The following CREB5 variants were observed in gnomAD, a reference collection of about 807,000 sequenced individuals.
CREB5 encodes cAMP responsive element binding protein 5.
CREB5 carries 19 observed loss-of-function variants against 57.1 expected under a neutral mutation model. That is an observed-to-expected ratio of 0.33 (90% CI 0.23 to 0.49). The LOEUF is 0.49. CREB5 is among the 20% of genes least tolerant of loss of function. CREB5 has a pLI of 0.99. For missense variants in CREB5, 579 were observed against 671.6 expected (o/e 0.86, Z 1.52); for synonymous variants, 238 against 238.3 (o/e 1.00, Z 0.01).
chr7:28,359,721 G>A (rs1047047560), intron 1 of CREB5, among the ~76,000 whole-genome samples: 3 of 152,016 alleles, frequency 2.0e-5, no homozygotes, highest in African/African-American at 7.2e-5. Context: ...TAGATAAATA[G>A]GATTACATCA....
chr7:28,497,396 G>C (rs560554349), intron 3 of CREB5, among the ~76,000 whole-genome samples: 4 of 152,210 alleles, frequency 2.6e-5, no homozygotes, highest in Non-Finnish European at 5.9e-5. Context: ...GGCAGTGCCA[G>C]GTGGAATATT....
At chr7:28,686,949 A>G (rs1800963165) in intron 5 of CREB5, among the ~76,000 whole-genome samples, 1 of 151,890 alleles carries the variant, frequency 6.6e-6, no homozygotes, top group Non-Finnish European at 1.5e-5. Context: ...TCTTTTCATA[A>G]AAGGTGGAAG....
At chr7:28,610,894 T>C (rs541149153) in intron 5 of CREB5, among the ~76,000 whole-genome samples, 222 of 152,154 alleles carry the variant, frequency 1.5e-3, no homozygotes, top group Middle Eastern at 6.8e-3. Flanking sequence ...TGTGCGTGTG[T>C]GTGTGTGTGT....
intron 5 of CREB5, among the ~76,000 whole-genome samples, chr7:28,644,989 C>T (rs916731738): frequency 6.6e-6 from 1 of 152,080 alleles, no homozygotes; most frequent in African/African-American, 2.4e-5. Context: ...ACAACGCGTA[C>T]CTTGGCCAAC....
intron 5 of CREB5, among the ~76,000 whole-genome samples, chr7:28,692,798 A>C (rs2391682): frequency 1 from 152,070 of 152,312 alleles, 75,916 homozygotes; most frequent in Middle Eastern, 1. Context: ...TGGGTGCTTT[A>C]AGAGGCATGC....
chr7:28,718,783 A>G lies in CREB5; in HGVS notation c.495A>G (p.Leu165=). ...GPVPGSLSSL[L]HLHNRQRQPM... Reference sequence around the variant, plus strand: ...TCCCAGGCTCTCTATCTTCTCTGCTACATCTCCACAACAGACAGAGACAGC... The same window carrying G: ...TCCCAGGCTCTCTATCTTCTCTGCTGCATCTCCACAACAGACAGAGACAGC... The change falls in exon 6 of 11, where the codon CTA becomes CTG. Residue 165 remains leucine (L), a synonymous_variant. Coordinates refer to ENST00000357727, the MANE Select transcript of CREB5 (RefSeq NM_182898.4). The G allele has an allele frequency of 1.9e-6, 3 of 1,613,986 alleles. No individual in the cohort carries two copies. Among genetic ancestry groups the G allele is most frequent in the Non-Finnish European group, 2.5e-6 (3 of 1,179,950 alleles).
At chr7:28,361,548 T>C (rs1010233975) in intron 1 of CREB5, among the ~76,000 whole-genome samples, 1 of 152,218 alleles carries the variant, frequency 6.6e-6, no homozygotes, top group African/African-American at 2.4e-5. Context: ...TGTTGACTCT[T>C]GAGTGGAAGA....
intron 1 of CREB5, among the ~76,000 whole-genome samples, chr7:28,329,030 A>C (rs1785664444): frequency 6.6e-6 from 1 of 152,040 alleles, no homozygotes; most frequent in Non-Finnish European, 1.5e-5. Flanking sequence ...GTCAAGTAAC[A>C]CAGGTGTCTG....
intron 1 of CREB5, among the ~76,000 whole-genome samples, chr7:28,334,442 C>A (rs1250820501): frequency 1.3e-5 from 2 of 152,166 alleles, no homozygotes; most frequent in Non-Finnish European, 2.9e-5. Context: ...CAGGGGTGAG[C>A]CACCATGCCC....
chr7:28,812,552 G>A lies in CREB5; in HGVS notation c.1254+3138G>A, dbSNP rs546692763. Among the ~76,000 whole-genome samples, 64 of 152,266 alleles carry A rather than the reference G, an allele frequency of 4.2e-4. No homozygotes were observed. The South Asian group carries it at 6.4e-3, about 15-fold the overall frequency. Reference sequence around the variant, plus strand: ...AAGATCCTACTGAGTTCATGTAACAGGCACCAATATCTTTTGGTAGTTAAA... The same window carrying A: ...AAGATCCTACTGAGTTCATGTAACAAGCACCAATATCTTTTGGTAGTTAAA... On this transcript the variant is annotated intron_variant, in intron 9 of 10. Transcript: ENST00000357727.
intron 1 of CREB5, among the ~76,000 whole-genome samples, chr7:28,370,829 T>C (rs1411636427): frequency 1.3e-5 from 2 of 152,278 alleles, no homozygotes; most frequent in Non-Finnish European, 2.9e-5. Context: ...GATTGCACTT[T>C]GGCACTTCAA....
chr7:28,318,049 A>G (rs1239989465), intron 1 of CREB5, among the ~76,000 whole-genome samples: 2 of 152,224 alleles, frequency 1.3e-5, no homozygotes, highest in Admixed American at 6.5e-5. Context: ...AATTTCCAAT[A>G]AATTCTTATA....
chr7:28,619,269 G>T (rs532896134), intron 5 of CREB5, among the ~76,000 whole-genome samples: 9 of 152,282 alleles, frequency 5.9e-5, no homozygotes, highest in Admixed American at 5.2e-4. Context: ...TGGCTCCAAG[G>T]TTACACTAGA....
At chr7:28,747,869 C>T (rs954706428) in intron 7 of CREB5, among the ~76,000 whole-genome samples, 1 of 152,192 alleles carries the variant, frequency 6.6e-6, no homozygotes, top group Non-Finnish European at 1.5e-5. Context: ...CGCCCCTCCC[C>T]TGAAGAAACA....
intron 1 of CREB5, among the ~76,000 whole-genome samples, chr7:28,470,701 A>C (rs1435995356): frequency 6.6e-6 from 1 of 152,186 alleles, no homozygotes; most frequent in African/African-American, 2.4e-5. Context: ...CCAACAGTGT[A>C]TGAGGGTTCC....
chr7:28,557,234 C>T (rs181772319), intron 4 of CREB5, among the ~76,000 whole-genome samples: 7 of 128,490 alleles, frequency 5.4e-5, no homozygotes, highest in Admixed American at 2.1e-4. Flanking sequence ...TAAAGCATCA[C>T]CTTCTTTCTG....
intron 7 of CREB5, among the ~76,000 whole-genome samples, chr7:28,772,879 T>A (rs138808475): frequency 7.0e-4 from 107 of 152,248 alleles, no homozygotes; most frequent in African/African-American, 2.5e-3. Context: ...AAGTGACACT[T>A]GTGCACCAGC....
intron 1 of CREB5, among the ~76,000 whole-genome samples, chr7:28,303,718 C>T (rs1376710746): frequency 6.6e-6 from 1 of 152,112 alleles, no homozygotes; most frequent in East Asian, 1.9e-4. Flanking sequence ...CTTTCTAAAA[C>T]TTTATGGATA....
chr7:28,531,610 A>G (rs1793732050), intron 4 of CREB5, among the ~76,000 whole-genome samples: 1 of 152,178 alleles, frequency 6.6e-6, no homozygotes, highest in Non-Finnish European at 1.5e-5. Flanking sequence ...TAGAACATCA[A>G]TATATGAATT....
Sources: gnomAD v4.1 joint callset for allele counts (sites outside exome capture counted in the v4.1 genomes callset) on GRCh38, gnomAD v4.1.1 for gene constraint, MANE v1.5 for transcripts, NCBI Gene and HGNC (gene_info 2026-07-23, HGNC 2026-07-21) for gene names.